Variants in RAI14 observed in about 807,000 individuals in gnomAD.
RAI14 encodes ankycorbin.
Under a neutral mutation model 115.4 loss-of-function variants are expected in RAI14, and 45 were observed. The observed-to-expected ratio is 0.39, with a 90% CI of 0.31 to 0.50. RAI14 has a LOEUF of 0.50. RAI14 is among the 20% of genes least tolerant of loss of function. The pLI, the probability that RAI14 is intolerant of heterozygous loss-of-function variation, is 0.85. For synonymous variants in RAI14, 371 were observed against 415.4 expected, an observed-to-expected ratio of 0.89 and a Z score of 1.30; for missense variants, 939 against 1,131.2, an observed-to-expected ratio of 0.83 and a Z score of 2.44.
intron 14 of RAI14, among the ~76,000 whole-genome samples, chr5:34,822,250 G>GTATGTATATATATATATATATA (rs1554012471): frequency 6.4e-4 from 86 of 134,682 alleles, no homozygotes; most frequent in African/African-American, 1.8e-3. Flanking sequence ...ATGTGTGTAT[G>GTATGTATATATATATATATATA]TATATATATA....
rs926344332 is a variant in RAI14 at position 34,757,554 on chromosome 5, G to A, written c.123G>A (p.Lys41=). Reference sequence around the variant, plus strand: ...AGAAGGTGGCCTCACTGCTCGGCAAGAAGGGGGCCAGTGCCACCAAACACG... The same window carrying A: ...AGAAGGTGGCCTCACTGCTCGGCAAAAAGGGGGCCAGTGCCACCAAACACG... ...DAEKVASLLG[K]KGASATKHDS... Residue 41 remains lysine (K), a synonymous_variant, in exon 3 of 18, where the codon AAG becomes AAA. Coordinates refer to ENST00000265109, the MANE Select transcript of RAI14 (RefSeq NM_015577.3). 1.9e-6 allele frequency: 3 copies of A among 1,613,780 alleles called. No homozygotes were observed. Among genetic ancestry groups the A allele is most frequent in the Non-Finnish European group, 2.5e-6 (3 of 1,179,994 alleles).
intron 2 of RAI14, among the ~76,000 whole-genome samples, chr5:34,720,919 G>A (rs1383942190): frequency 6.6e-6 from 1 of 151,756 alleles, no homozygotes; most frequent in Non-Finnish European, 1.5e-5. Context: ...ACAAACTCCT[G>A]GGCTCAAGTA....
chr5:34,677,741 T>C (rs745967547), intron 1 of RAI14, among the ~76,000 whole-genome samples: 28 of 152,186 alleles, frequency 1.8e-4, no homozygotes, highest in Non-Finnish European at 4.0e-4. Flanking sequence ...ACCCAGCCTC[T>C]GACTTTTCTG....
chr5:34,747,559 T>C (rs990565457), intron 2 of RAI14, among the ~76,000 whole-genome samples: 2 of 152,212 alleles, frequency 1.3e-5, no homozygotes, highest in Non-Finnish European at 2.9e-5. Flanking sequence ...AAATAATGAA[T>C]ATAAGTAAAT....
intron 17 of RAI14, 142 bp from the exon 18 acceptor site, chr5:34,830,546 G>A (rs1180092784): frequency 1.4e-6 from 2 of 1,410,512 alleles, no homozygotes; most frequent in Non-Finnish European, 1.9e-6. Flanking sequence ...AGAAATTTGG[G>A]AAATGATAGG....
chr5:34,779,870 C>CT (rs1751385247), intron 3 of RAI14, among the ~76,000 whole-genome samples: 1 of 152,190 alleles, frequency 6.6e-6, no homozygotes. Context: ...AAAAAAACTA[C>CT]TTTAAAGTTC....
At chr5:34,806,059 G>A (rs1159741364) in intron 5 of RAI14, among the ~76,000 whole-genome samples, 3 of 152,172 alleles carry the variant, frequency 2.0e-5, no homozygotes, top group African/African-American at 4.8e-5. Flanking sequence ...GGAAGCTAAC[G>A]GGTTACTGTA....
At chr5:34,706,557 G>A (rs1348359783) in intron 2 of RAI14, among the ~76,000 whole-genome samples, 5 of 152,192 alleles carry the variant, frequency 3.3e-5, no homozygotes, top group Non-Finnish European at 7.3e-5. Flanking sequence ...CGAACCCGGA[G>A]TTTGGGACTT....
intron 7 of RAI14, among the ~76,000 whole-genome samples, chr5:34,809,265 C>G (rs548936655): frequency 2.6e-5 from 4 of 152,274 alleles, no homozygotes; most frequent in Non-Finnish European, 4.4e-5. Flanking sequence ...AGTGTATTGA[C>G]TTTGGAAACA....
At chr5:34,745,870 C>G (rs949942999) in intron 2 of RAI14, among the ~76,000 whole-genome samples, 6 of 152,148 alleles carry the variant, frequency 3.9e-5, no homozygotes, top group Non-Finnish European at 5.9e-5. Flanking sequence ...CGGGCTTACT[C>G]TGTCTCCCAT....
intron 3 of RAI14, among the ~76,000 whole-genome samples, chr5:34,792,521 A>G (rs1753057709): frequency 6.6e-6 from 1 of 152,036 alleles, no homozygotes; most frequent in Non-Finnish European, 1.5e-5. Flanking sequence ...GGCGTAAGCC[A>G]CTGTGCCTGG....
intron 1 of RAI14, among the ~76,000 whole-genome samples, chr5:34,658,728 G>A (rs997071608): frequency 1.3e-5 from 2 of 152,102 alleles, no homozygotes; most frequent in African/African-American, 4.8e-5. Context: ...AACCCGGGAG[G>A]TGGAGGTTGC....
At chr5:34,809,783 T>C (rs1471020204) in intron 7 of RAI14, among the ~76,000 whole-genome samples, 5 of 152,208 alleles carry the variant, frequency 3.3e-5, no homozygotes, top group Non-Finnish European at 7.3e-5. Flanking sequence ...AAAATAAGTC[T>C]AAATAGAAAT....
intron 2 of RAI14, among the ~76,000 whole-genome samples, chr5:34,700,201 G>A (rs535643991): frequency 9.8e-5 from 15 of 152,304 alleles, no homozygotes; most frequent in African/African-American, 2.6e-4. Flanking sequence ...AAGGTTTGGT[G>A]CACAGTTTTC....
intron 3 of RAI14, among the ~76,000 whole-genome samples, chr5:34,775,726 G>A (rs117192828): frequency 6.6e-6 from 1 of 152,272 alleles, no homozygotes; most frequent in East Asian, 1.9e-4. Flanking sequence ...AGCTATTGTT[G>A]CACCCCAGTT....
intron 2 of RAI14, among the ~76,000 whole-genome samples, chr5:34,718,718 T>G (rs1454224714): frequency 6.6e-6 from 1 of 152,250 alleles, no homozygotes; most frequent in Non-Finnish European, 1.5e-5. Flanking sequence ...TGTATGATCT[T>G]GGGTAAGTTA....
intron 4 of RAI14, 93 bp downstream of exon 4, chr5:34,796,120 G>A (rs1753500895): frequency 2.0e-6 from 2 of 1,011,700 alleles, no homozygotes; most frequent in Non-Finnish European, 3.1e-6. Context: ...TTAAGGCCAG[G>A]TGTGGTAACT....
At chr5:34,717,508 T>C (rs1742146150) in intron 2 of RAI14, among the ~76,000 whole-genome samples, 2 of 152,180 alleles carry the variant, frequency 1.3e-5, no homozygotes, top group African/African-American at 4.8e-5. Flanking sequence ...CGGGGGGGAA[T>C]CCTTGTGGAA....
At chr5:34,826,003 A>ATT (rs544136912) in intron 15 of RAI14, 2 of 165,888 alleles carry the variant, frequency 1.2e-5, no homozygotes, top group African/African-American at 2.4e-5. Context: ...CCTAATTCTG[A>ATT]TTTTTTTTTT....
Sources: gnomAD v4.1 joint callset for allele counts (sites outside exome capture counted in the v4.1 genomes callset) on GRCh38, gnomAD v4.1.1 for gene constraint, MANE v1.5 for transcripts, NCBI Gene and HGNC (gene_info 2026-07-23, HGNC 2026-07-21) for gene names.